Variants in BLOC1S2 observed in about 807,000 individuals in gnomAD.
The protein encoded by BLOC1S2 is biogenesis of lysosomal organelles complex 1 subunit 2.
BLOC1S2 carries 12 observed loss-of-function variants against 19.6 expected under a neutral mutation model. The ratio of observed to expected loss-of-function variants is 0.61; its 90% CI spans 0.39 to 0.99. The LOEUF is 0.99. Ranked by LOEUF, BLOC1S2 falls within the 50% of genes least tolerant of loss-of-function variation. BLOC1S2 has a pLI of 0.00. For synonymous variants in BLOC1S2, 66 were observed against 64.1 expected (o/e 1.03, Z -0.14); for missense variants, 142 against 171.0 (o/e 0.83, Z 0.95).
intron 4 of BLOC1S2, among the ~76,000 whole-genome samples, chr10:100,277,089 G>A (rs1164957119): frequency 6.6e-6 from 1 of 151,814 alleles, no homozygotes; most frequent in Non-Finnish European, 1.5e-5. Flanking sequence ...ATCCCATCTA[G>A]GAAGTGAGGA....
intron 2 of BLOC1S2, among the ~76,000 whole-genome samples, chr10:100,285,545 G>A (rs1848213627): frequency 6.6e-6 from 1 of 152,136 alleles, no homozygotes; most frequent in East Asian, 1.9e-4. Context: ...GAGCCACCGC[G>A]CCCTGCCCAT....
At chr10:100,278,494 A>T (rs1589648974) in intron 4 of BLOC1S2, among the ~76,000 whole-genome samples, 1 of 152,114 alleles carries the variant, frequency 6.6e-6, no homozygotes. Context: ...ACTAAGAAAA[A>T]TTCTTCTGCC....
intron 2 of BLOC1S2, among the ~76,000 whole-genome samples, chr10:100,283,102 G>C (rs959693329): frequency 6.6e-6 from 1 of 152,096 alleles, no homozygotes; most frequent in African/African-American, 2.4e-5. Flanking sequence ...CACTAAACAT[G>C]GTTCCTCTTT....
At chr10:100,281,819 G>C (rs1169715327) in intron 2 of BLOC1S2, among the ~76,000 whole-genome samples, 1 of 151,556 alleles carries the variant, frequency 6.6e-6, no homozygotes, top group Non-Finnish European at 1.5e-5. Context: ...ATTTTATGCA[G>C]TGACATTTCC....
intron 2 of BLOC1S2, among the ~76,000 whole-genome samples, chr10:100,284,024 C>A (rs1406445966): frequency 6.6e-6 from 1 of 152,242 alleles, no homozygotes; most frequent in Non-Finnish European, 1.5e-5. Context: ...CCCCTTACTT[C>A]TTGCAATATG....
At chr10:100,284,916 T>C (rs190070612) in intron 2 of BLOC1S2, among the ~76,000 whole-genome samples, 16 of 151,196 alleles carry the variant, frequency 1.1e-4, no homozygotes, top group African/African-American at 3.9e-4. Flanking sequence ...TTATAGGACT[T>C]GTTCAAGTAG....
intron 2 of BLOC1S2, among the ~76,000 whole-genome samples, chr10:100,283,198 C>CA (rs1391998389): frequency 1.3e-5 from 2 of 152,218 alleles, no homozygotes; most frequent in Non-Finnish European, 2.9e-5. Context: ...TCTACTTAAA[C>CA]AAGTCCTATA....
At chr10:100,281,394 T>C (rs1848097395) in intron 2 of BLOC1S2, among the ~76,000 whole-genome samples, 1 of 152,066 alleles carries the variant, frequency 6.6e-6, no homozygotes, top group Non-Finnish European at 1.5e-5. Context: ...ATATAATATA[T>C]ATACTATCAG....
intron 4 of BLOC1S2, among the ~76,000 whole-genome samples, chr10:100,279,628 A>G (rs576250123): frequency 6.2e-4 from 95 of 152,308 alleles, no homozygotes; most frequent in Non-Finnish European, 1.2e-3. Flanking sequence ...GATAAAAAAC[A>G]TAATACAGGC....
chr10:100,276,121 A>G (rs1363818091), intron 4 of BLOC1S2, among the ~76,000 whole-genome samples: 1 of 152,202 alleles, frequency 6.6e-6, no homozygotes, highest in Non-Finnish European at 1.5e-5. Flanking sequence ...GGTAAGGTTC[A>G]CGGTAATCAC....
chr10:100,284,061 T>TA (rs1461933327), intron 2 of BLOC1S2, among the ~76,000 whole-genome samples: 2 of 152,360 alleles, frequency 1.3e-5, no homozygotes, highest in African/African-American at 4.8e-5. Flanking sequence ...TCATTTACTT[T>TA]ACCAGTTTTG....
chr10:100,279,226 C>A (rs755090399), intron 4 of BLOC1S2, among the ~76,000 whole-genome samples: 7 of 152,192 alleles, frequency 4.6e-5, no homozygotes, highest in Non-Finnish European at 8.8e-5. Flanking sequence ...GAAAAGTGAT[C>A]TTTCAAGAAA....
chr10:100,283,883 A>T (rs1848171803), intron 2 of BLOC1S2, among the ~76,000 whole-genome samples: 1 of 152,336 alleles, frequency 6.6e-6, no homozygotes, highest in Middle Eastern at 3.4e-3. Flanking sequence ...TCTAAATAAA[A>T]TAAAATAAAA....
intron 2 of BLOC1S2, among the ~76,000 whole-genome samples, chr10:100,281,592 A>T (rs1848102691): frequency 6.6e-6 from 1 of 151,662 alleles, no homozygotes; most frequent in Non-Finnish European, 1.5e-5. Context: ...GCTGAGGCAG[A>T]GAATTGCTTG....
chr10:100,282,718 AT>A (rs1464005209), intron 2 of BLOC1S2, among the ~76,000 whole-genome samples: 2 of 152,258 alleles, frequency 1.3e-5, no homozygotes, highest in African/African-American at 4.8e-5. Context: ...AAGAGGAAAT[AT>A]CAATTTACTC....
At chr10:100,278,300 C>T (rs1218867439) in intron 4 of BLOC1S2, among the ~76,000 whole-genome samples, 1 of 152,110 alleles carries the variant, frequency 6.6e-6, no homozygotes, top group East Asian at 1.9e-4. Context: ...TGAGGAGCCC[C>T]TCTGCCCGGC....
chr10:100,277,323 G>C (rs1312286440), intron 4 of BLOC1S2, among the ~76,000 whole-genome samples: 3 of 150,760 alleles, frequency 2.0e-5, no homozygotes, highest in African/African-American at 7.3e-5. Context: ...CCCCGGCCGG[G>C]AGGGAGGTGG....
At chr10:100,278,046 C>T (rs1341153659) in intron 4 of BLOC1S2, among the ~76,000 whole-genome samples, 15 of 138,958 alleles carry the variant, frequency 1.1e-4, no homozygotes, top group East Asian at 2.3e-4. Context: ...CCGCCCCGTC[C>T]GGGAGGGAGG....
At chr10:100,283,935 C>T (rs148507752) in intron 2 of BLOC1S2, among the ~76,000 whole-genome samples, 313 of 152,232 alleles carry the variant, frequency 2.1e-3, no homozygotes, top group African/African-American at 7.2e-3. Flanking sequence ...AGCAAGATAA[C>T]GTAAATGAGT....
Sources: allele counts gnomAD v4.1 joint callset (sites outside exome capture counted in the v4.1 genomes callset), GRCh38; gene constraint gnomAD v4.1.1; transcripts MANE v1.5; gene names NCBI Gene and HGNC (gene_info 2026-07-23, HGNC 2026-07-21).